Variants in RPN2 observed in about 807,000 individuals in gnomAD.
RPN2 encodes dolichyl-diphosphooligosaccharide--protein glycosyltransferase subunit 2.
In RPN2, 29 loss-of-function variants were observed where a neutral mutation model predicts 71.4. That is an observed-to-expected ratio of 0.41 (90% confidence interval 0.30 to 0.55). RPN2 has a LOEUF of 0.55. RPN2 is among the 20% of genes least tolerant of loss of function. The probability of loss-of-function intolerance (pLI) is 0.35; values close to 1 mark genes in which losing one functional copy is unlikely to be tolerated. For missense variants in RPN2, 726 were observed against 774.1 expected, an observed-to-expected ratio of 0.94 and a Z score of 0.74; for synonymous variants, 308 against 305.0, an observed-to-expected ratio of 1.01 and a Z score of -0.10.
At chr20:37,213,654 T>C in intron 8 of RPN2, 106 bp from the exon 9 acceptor site, 1 of 850,802 alleles carries the variant, frequency 1.2e-6, no homozygotes. Flanking sequence ...AGGTAAGGAG[T>C]TGGCTAGCCT....
intron 6 of RPN2, among the ~76,000 whole-genome samples, 156 bp downstream of exon 6, chr20:37,205,057 T>C (rs998798399): frequency 7.9e-5 from 12 of 152,166 alleles, no homozygotes; most frequent in African/African-American, 2.7e-4. Flanking sequence ...AATAGAAAGA[T>C]GTAATGCCTG....
intron 15 of RPN2, among the ~76,000 whole-genome samples, chr20:37,236,266 G>T (rs2146712537): frequency 6.6e-6 from 1 of 151,836 alleles, no homozygotes; most frequent in East Asian, 2.0e-4. Flanking sequence ...CTAATTTTTT[G>T]AATTTTAATA....
chr20:37,198,356 C>A (rs1430341504), intron 2 of RPN2, 41 bp from the exon 3 acceptor site: 1 of 1,614,014 alleles, frequency 6.2e-7, no homozygotes, highest in Non-Finnish European at 8.5e-7. Context: ...TGGTTCACTA[C>A]ATGTGTCACC....
At chr20:37,225,327 C>T (rs935463725) in intron 10 of RPN2, among the ~76,000 whole-genome samples, 6 of 152,206 alleles carry the variant, frequency 3.9e-5, no homozygotes, top group South Asian at 4.1e-4. Flanking sequence ...TTTCTCCTTG[C>T]GGTTCTGCCA....
intron 3 of RPN2, 131 bp from the exon 4 acceptor site, chr20:37,198,919 G>C (rs1401777817): frequency 1.3e-6 from 1 of 786,092 alleles, no homozygotes. Context: ...TGGTGTCTGG[G>C]GATTAGAGGG....
At chr20:37,202,531 A>C (rs556873664) in intron 4 of RPN2, among the ~76,000 whole-genome samples, 1 of 152,326 alleles carries the variant, frequency 6.6e-6, no homozygotes, top group Non-Finnish European at 1.5e-5. Flanking sequence ...TGGAAGCAGC[A>C]ATCTGTTTAA....
At chr20:37,216,581 C>A (rs997479275) in intron 9 of RPN2, among the ~76,000 whole-genome samples, 5 of 152,048 alleles carry the variant, frequency 3.3e-5, no homozygotes, top group African/African-American at 1.2e-4. Flanking sequence ...CCTGCCTCAG[C>A]CTCCCGAGTA....
chr20:37,226,070 A>ATTCC (rs924337407), intron 11 of RPN2, among the ~76,000 whole-genome samples: 2 of 152,088 alleles, frequency 1.3e-5, no homozygotes, highest in African/African-American at 2.4e-5. Context: ...AATTAAGGTC[A>ATTCC]TTCCTTCCTC....
In RPN2 at chr20:37,198,503, G is replaced by A. The variant is rs1189893911; in HGVS notation, c.303+11G>A. Reference sequence around the variant, plus strand: ...CTCTCAGGATGTGAGGTGAGTCCGGGTTCCTACGCTGACAATGACTTTAAC... The same window carrying A: ...CTCTCAGGATGTGAGGTGAGTCCGGATTCCTACGCTGACAATGACTTTAAC... On this transcript the variant is annotated intron_variant, in intron 3 of 16. Transcript: ENST00000237530. The A allele has an allele frequency of 1.2e-6, 2 of 1,614,120 alleles. No homozygotes were observed. The highest frequency in any genetic ancestry group is 2.2e-5 in the South Asian group (2 of 91,086).
intron 9 of RPN2, among the ~76,000 whole-genome samples, chr20:37,214,531 G>A (rs1369329532): frequency 6.6e-6 from 1 of 152,138 alleles, no homozygotes; most frequent in African/African-American, 2.4e-5. Flanking sequence ...TTTAAGATGA[G>A]TGACACATTT....
Position 37,204,779 on chromosome 20 carries a change from C to T in RPN2, c.568C>T (p.Arg190Cys). The T allele has an allele frequency of 2.5e-6, 4 of 1,614,068 alleles. No individual in the cohort carries two copies. The highest frequency in any genetic ancestry group is 3.4e-6 in the Non-Finnish European group (4 of 1,180,024). Residue 190 changes from arginine (R) to cysteine (C), a missense_variant, in exon 6 of 17, where the codon CGC (arginine) becomes TGC (cysteine). Physicochemically the swap from Arg to Cys is radical, Grantham distance 180. Coordinates refer to ENST00000237530, the MANE Select transcript of RPN2 (RefSeq NM_002951.5). ...IVEEIEDLVA[R>C]LDELGGVYLQ... The stretch of plus-strand genomic sequence containing the variant: ...TTTGTTATGGCAGGACCTTGTTGCT[C>T]GCCTGGATGAACTCGGGGGCGTGTA...
chr20:37,232,498 G>T (rs531640877), intron 14 of RPN2, 107 bp downstream of exon 14: 11 of 1,345,586 alleles, frequency 8.2e-6, no homozygotes, highest in Non-Finnish European at 1.2e-5. Context: ...AGCTCCAGAG[G>T]GGTCCAGCAG....
chr20:37,236,537 T>G lies in RPN2; in HGVS notation c.1754-43T>G, dbSNP rs1160221774. Reference sequence around the variant, plus strand: ...AACTTTCCTCAACCGCAGGGCATCATTATGTTTCATTTAATTGGATGTCAT... The same window carrying G: ...AACTTTCCTCAACCGCAGGGCATCAGTATGTTTCATTTAATTGGATGTCAT... On this transcript the variant is annotated intron_variant, in intron 15 of 16. Transcript: ENST00000237530. 4 of 1,610,252 alleles carry G rather than the reference T, an allele frequency of 2.5e-6. No homozygotes were observed. The South Asian group carries it at 4.4e-5, about 18-fold the overall frequency.
At chr20:37,198,715 CT>C (rs2067312275) in intron 3 of RPN2, among the ~76,000 whole-genome samples, 1 of 150,752 alleles carries the variant, frequency 6.6e-6, no homozygotes, top group African/African-American at 2.4e-5. Context: ...ACAGTTTTTG[CT>C]TTTCTTCTGG....
intron 4 of RPN2, 21 bp from the exon 5 acceptor site, chr20:37,203,864 G>T: frequency 6.3e-7 from 1 of 1,591,292 alleles, no homozygotes; most frequent in South Asian, 1.1e-5. Context: ...ATTCATTGGG[G>T]TTCTACTCTT....
chr20:37,226,460 G>A (rs1363678178), intron 11 of RPN2, among the ~76,000 whole-genome samples: 2 of 152,158 alleles, frequency 1.3e-5, no homozygotes, highest in East Asian at 1.9e-4. Flanking sequence ...AGAGGTAGGA[G>A]GATCACTTGA....
chr20:37,182,459 C>G (rs921039547), intron 1 of RPN2, among the ~76,000 whole-genome samples: 2 of 152,130 alleles, frequency 1.3e-5, no homozygotes, highest in Non-Finnish European at 1.5e-5. Context: ...GGTGTGATCT[C>G]AGCTCACTGC....
chr20:37,218,322 C>A (rs1341853983), intron 9 of RPN2, among the ~76,000 whole-genome samples: 2 of 76,788 alleles, frequency 2.6e-5, no homozygotes, highest in Non-Finnish European at 6.2e-5. Flanking sequence ...CTGAGGCAAG[C>A]GGATCCCTTG....
At chr20:37,208,183 T>G (rs911585031) in intron 7 of RPN2, among the ~76,000 whole-genome samples, 4 of 150,860 alleles carry the variant, frequency 2.7e-5, no homozygotes, top group Non-Finnish European at 5.9e-5. Context: ...GGCAGGAGAA[T>G]CGCTTGAACC....
Sources: allele counts gnomAD v4.1 joint callset (sites outside exome capture counted in the v4.1 genomes callset), GRCh38; gene constraint gnomAD v4.1.1; transcripts MANE v1.5; gene names NCBI Gene and HGNC (gene_info 2026-07-23, HGNC 2026-07-21).